The following GASK1A variants were observed in gnomAD, a reference collection of about 807,000 sequenced individuals.
The protein encoded by GASK1A is Golgi-associated kinase 1A.
Under a neutral mutation model 41.2 loss-of-function variants are expected in GASK1A, and 40 were observed. The observed-to-expected ratio is 0.97, with a 90% CI of 0.75 to 1.27. GASK1A has a LOEUF of 1.27. Ranked by LOEUF, GASK1A falls within the 50% of genes most tolerant of loss-of-function variation. The pLI, the probability that GASK1A is intolerant of heterozygous loss-of-function variation, is 0.00. For synonymous variants in GASK1A, 316 were observed against 307.1 expected, an observed-to-expected ratio of 1.03 and a Z score of -0.30; for missense variants, 678 against 745.1, an observed-to-expected ratio of 0.91 and a Z score of 1.05.
chr3:43,054,820 G>T (rs1233027499), intron 3 of GASK1A, among the ~76,000 whole-genome samples: 1 of 152,340 alleles, frequency 6.6e-6, no homozygotes, highest in Non-Finnish European at 1.5e-5. Flanking sequence ...ATCAGATTAT[G>T]GTCAGTGCTT....
intron 1 of GASK1A, among the ~76,000 whole-genome samples, chr3:43,003,019 T>C (rs1375407589): frequency 1.3e-5 from 2 of 152,248 alleles, no homozygotes; most frequent in African/African-American, 4.8e-5. Context: ...CAAATGTGCC[T>C]GGACTCCATT....
At chr3:42,994,045 C>T (rs62249015) in intron 1 of GASK1A, among the ~76,000 whole-genome samples, 25,537 of 152,212 alleles carry the variant, frequency 0.17, 2,304 homozygotes, top group Non-Finnish European at 0.2. Flanking sequence ...TGAAGGACTC[C>T]CAGGTGGGCC....
At chr3:42,991,328 A>G (rs953631876) in intron 1 of GASK1A, among the ~76,000 whole-genome samples, 1 of 152,028 alleles carries the variant, frequency 6.6e-6, no homozygotes, top group Non-Finnish European at 1.5e-5. Context: ...TCTTGCTGTT[A>G]TCTCTGCTAT....
intron 1 of GASK1A, among the ~76,000 whole-genome samples, chr3:43,010,050 T>C (rs2089455689): frequency 6.6e-6 from 1 of 152,170 alleles, no homozygotes; most frequent in African/African-American, 2.4e-5. Flanking sequence ...ACCCCTACAC[T>C]GTTCCTTTGG....
rs2089300825 is a variant in GASK1A at position 42,984,845 on chromosome 3, C to T, written c.3+5200C>T. Among the ~76,000 whole-genome samples the T allele has an allele frequency of 6.6e-6, 1 of 152,098 alleles. No homozygotes were observed. The highest frequency in any genetic ancestry group is 1.5e-5 in the Non-Finnish European group (1 of 68,028). On this transcript the variant is annotated intron_variant, in intron 1 of 4. Coordinates refer to ENST00000430121, the MANE Select transcript of GASK1A (RefSeq NM_001129908.3). This position sits in a 1 kb window ranked among gnomAD's most constrained non-coding sequence, Gnocchi z 4.2. ...GGGGTCTCCGTGACTTGCTTTGGTG[C>T]CTTATCTACCAGGGAGTTGAGCTAG...
chr3:43,022,272 T>A (rs1236459110), intron 1 of GASK1A, among the ~76,000 whole-genome samples: 1 of 152,240 alleles, frequency 6.6e-6, no homozygotes, highest in Non-Finnish European at 1.5e-5. Flanking sequence ...TGGGTGGCCC[T>A]CCCTGGGACA....
At chr3:42,996,311 T>C (rs527918285) in intron 1 of GASK1A, among the ~76,000 whole-genome samples, 45 of 152,334 alleles carry the variant, frequency 3.0e-4, no homozygotes, top group African/African-American at 1.1e-3. Flanking sequence ...CTGTTTTGAA[T>C]GCTTTATCTA....
chr3:43,013,109 G>A (rs2089472055), intron 1 of GASK1A, among the ~76,000 whole-genome samples: 1 of 150,412 alleles, frequency 6.6e-6, no homozygotes, highest in Admixed American at 6.6e-5. Context: ...GTCACAAGAA[G>A]GAGTGTGTGA....
chr3:42,989,610 CTTTTTTTTTTTTTTTTTTTTTTTTT>C lies in GASK1A; in HGVS notation c.3+9978_3+10002del, dbSNP rs1230496622. 8.1e-4 allele frequency among the ~76,000 whole-genome samples: 2 copies of C among 2,478 alleles called. 1 individual carries two copies. The highest frequency in any genetic ancestry group is 9.5e-4 in the African/African-American group (2 of 2,104). 1.6% of individuals were successfully genotyped at this position (2,478 alleles called of 152,430 possible). On this transcript the variant is annotated intron_variant, in intron 1 of 4. Coordinates refer to ENST00000430121, the MANE Select transcript of GASK1A (RefSeq NM_001129908.3). ...TATCATGGAAAATCCTACCTGCTTT[CTTTTTTTTTTTTTTTTTTTTTTTTT>C]TTTTTTTTTTTTGAGACGGAGTCTC...
intron 1 of GASK1A, among the ~76,000 whole-genome samples, chr3:43,030,341 C>A (rs915105257): frequency 1.3e-5 from 2 of 152,226 alleles, no homozygotes; most frequent in Admixed American, 6.5e-5. Flanking sequence ...GGAAAGGGAA[C>A]TCAGAGATGA....
At chr3:42,987,749 A>G (rs1008688428) in intron 1 of GASK1A, among the ~76,000 whole-genome samples, 3 of 152,110 alleles carry the variant, frequency 2.0e-5, no homozygotes, top group African/African-American at 7.2e-5. Context: ...CTGTAATCCC[A>G]GCACTTTGGA....
At chr3:43,049,254 TA>T (rs2089677359) in intron 2 of GASK1A, among the ~76,000 whole-genome samples, 1 of 152,236 alleles carries the variant, frequency 6.6e-6, no homozygotes, top group African/African-American at 2.4e-5. Flanking sequence ...TTGAAATGCA[TA>T]AAAAATAAGA....
chr3:42,996,160 TG>T (rs1424811393), intron 1 of GASK1A, among the ~76,000 whole-genome samples: 2 of 152,340 alleles, frequency 1.3e-5, no homozygotes, highest in East Asian at 3.9e-4. Flanking sequence ...TTCCTGCCTA[TG>T]GGGCTCTTGC....
At chr3:43,053,258 G>A (rs1343563013) in intron 2 of GASK1A, among the ~76,000 whole-genome samples, 1 of 152,260 alleles carries the variant, frequency 6.6e-6, no homozygotes, top group Non-Finnish European at 1.5e-5. Context: ...AAGAGCAACA[G>A]TGTAGGTTAA....
chr3:43,039,782 G>T (rs1296786258), intron 2 of GASK1A, among the ~76,000 whole-genome samples: 1 of 152,142 alleles, frequency 6.6e-6, no homozygotes, highest in Admixed American at 6.5e-5. Context: ...GTGAGAACAT[G>T]TGGTATTTGG....
chr3:43,002,133 G>T lies in GASK1A; in HGVS notation c.3+22488G>T, dbSNP rs138121449. On this transcript the variant is annotated intron_variant, in intron 1 of 4. Transcript: ENST00000430121. The stretch of plus-strand genomic sequence containing the variant: ...CAGGTAGGTCCGCATTCAAACATTC[G>T]TCTTCCCAGAATCCTCCTTGTTAGA... Among the ~76,000 whole-genome samples, 408 of 152,210 alleles carry T rather than the reference G, an allele frequency of 2.7e-3. 3 individuals are homozygous for T. The highest frequency in any genetic ancestry group is 9.3e-3 in the African/African-American group (388 of 41,534).
At chr3:43,010,390 A>G (rs2089457693) in intron 1 of GASK1A, among the ~76,000 whole-genome samples, 1 of 152,160 alleles carries the variant, frequency 6.6e-6, no homozygotes, top group Non-Finnish European at 1.5e-5. Flanking sequence ...GGCTTTCTCA[A>G]ATCCCCGAAT....
rs537949259 is a variant in GASK1A, at chr3:43,055,909, G to C, written c.1518-267G>C. 4.3e-5 allele frequency: 21 copies of C among 492,452 alleles called. 1 individual carries two copies. In the South Asian group the frequency reaches 5.0e-4, roughly 12 times the overall value. The allele number at this position is 492,452 out of a possible 1,614,324, so 30.5% of individuals were successfully genotyped here. On this transcript the variant is annotated intron_variant, in intron 4 of 4. Transcript: ENST00000430121. ...TCTGGCCCTGCATTTGCCAAGTGGA[G>C]CCTGGGATAGCGGAATTTATTCACC...
intron 1 of GASK1A, among the ~76,000 whole-genome samples, chr3:43,014,964 T>C (rs1222162514): frequency 4.4e-5 from 6 of 136,098 alleles, no homozygotes; most frequent in Admixed American, 4.3e-4. Flanking sequence ...TCACAGGAAG[T>C]GGGAATTTGA....
Sources: allele counts gnomAD v4.1 joint callset (sites outside exome capture counted in the v4.1 genomes callset), GRCh38; gene constraint gnomAD v4.1.1; non-coding constraint Gnocchi (gnomAD v3.1); transcripts MANE v1.5; gene names NCBI Gene and HGNC (gene_info 2026-07-23, HGNC 2026-07-21).